TOX2: variants seen among roughly 807,000 people sequenced by gnomAD.
TOX2 encodes the protein TOX high mobility group box family member 2.
In TOX2, 15 loss-of-function variants were observed where a neutral mutation model predicts 47.4. The ratio of observed to expected loss-of-function variants is 0.32; its 90% CI spans 0.21 to 0.49. TOX2 has a LOEUF of 0.49. Ranked by LOEUF, TOX2 falls within the 20% of genes least tolerant of loss-of-function variation. The pLI, the probability that TOX2 is intolerant of heterozygous loss-of-function variation, is 0.99. For missense variants in TOX2, 622 were observed against 673.1 expected (o/e 0.92, Z 0.84); for synonymous variants, 290 against 296.6 (o/e 0.98, Z 0.23).
At chr20:43,919,168 C>T (rs1251935514) in intron 1 of TOX2, among the ~76,000 whole-genome samples, 1 of 152,220 alleles carries the variant, frequency 6.6e-6, no homozygotes, top group Non-Finnish European at 1.5e-5. Context: ...GTGGCATGTT[C>T]TGCCATCCAT....
At chr20:43,991,067 A>G (rs2070359590) in intron 2 of TOX2, among the ~76,000 whole-genome samples, 1 of 152,116 alleles carries the variant, frequency 6.6e-6, no homozygotes. Flanking sequence ...ATTGAATTTG[A>G]TTTTTAAAAT....
chr20:44,059,016 C>T (rs2071671412), intron 5 of TOX2, among the ~76,000 whole-genome samples: 1 of 152,152 alleles, frequency 6.6e-6, no homozygotes, highest in Non-Finnish European at 1.5e-5. Flanking sequence ...GCAATGGATC[C>T]AAACCAAGAC....
chr20:44,050,484 G>A (rs1308749234), intron 3 of TOX2, among the ~76,000 whole-genome samples: 1 of 152,168 alleles, frequency 6.6e-6, no homozygotes, highest in Non-Finnish European at 1.5e-5. Flanking sequence ...AATAAAAATC[G>A]TAAGAGTATG....
At chr20:43,963,038 G>A (rs564195531) in intron 1 of TOX2, among the ~76,000 whole-genome samples, 62 of 152,176 alleles carry the variant, frequency 4.1e-4, no homozygotes, top group African/African-American at 1.4e-3. Flanking sequence ...ATTCAGTGTG[G>A]ACTTTATACT....
chr20:44,007,813 A>G lies in TOX2; in HGVS notation c.411+1021A>G, dbSNP rs1167045010. The stretch of plus-strand genomic sequence containing the variant: ...GAGTGAGACCCTTTCTCAAAAAAAC[A>G]ACAGGAAGAAACATCATATTTTTGG... On this transcript the variant is annotated intron_variant, in intron 3 of 8. Coordinates refer to ENST00000341197, the MANE Select transcript of TOX2 (RefSeq NM_001098797.2). Among the ~76,000 whole-genome samples the G allele has an allele frequency of 2.0e-5, 3 of 152,302 alleles. No homozygotes were observed. The East Asian group carries it at 5.8e-4, about 29-fold the overall frequency.
intron 3 of TOX2, among the ~76,000 whole-genome samples, chr20:44,043,810 T>A (rs2071372168): frequency 6.6e-6 from 1 of 152,214 alleles, no homozygotes; most frequent in Non-Finnish European, 1.5e-5. Context: ...TAATGAGGAA[T>A]CCAGTAAGAT....
At chr20:44,011,396 C>T (rs1457664031) in intron 3 of TOX2, among the ~76,000 whole-genome samples, 2 of 152,200 alleles carry the variant, frequency 1.3e-5, no homozygotes, top group Non-Finnish European at 2.9e-5. Context: ...AAGCCTATTT[C>T]TAAGACTGTG....
intron 2 of TOX2, among the ~76,000 whole-genome samples, chr20:43,994,589 C>T (rs367925105): frequency 2.0e-5 from 3 of 152,178 alleles, no homozygotes; most frequent in East Asian, 3.9e-4. Flanking sequence ...CCCAGCCTTG[C>T]GACTTTTGCT....
chr20:44,048,030 C>T (rs915847338), intron 3 of TOX2, among the ~76,000 whole-genome samples: 1 of 151,892 alleles, frequency 6.6e-6, no homozygotes, highest in African/African-American at 2.4e-5. Context: ...ACCAGCTTGG[C>T]CAACATGGCA....
At chr20:44,045,945 G>A (rs761797994) in intron 3 of TOX2, among the ~76,000 whole-genome samples, 2 of 152,176 alleles carry the variant, frequency 1.3e-5, no homozygotes, top group Non-Finnish European at 2.9e-5. Context: ...GCTTATAGAA[G>A]GTGAGAGTGC....
intron 2 of TOX2, among the ~76,000 whole-genome samples, chr20:43,978,537 C>G (rs2070118720): frequency 6.6e-6 from 1 of 152,186 alleles, no homozygotes; most frequent in East Asian, 1.9e-4. Flanking sequence ...CTGTTCACCT[C>G]TTGCGCTCAT....
At chr20:43,954,200 A>G (rs1260763066) in intron 1 of TOX2, among the ~76,000 whole-genome samples, 2 of 151,938 alleles carry the variant, frequency 1.3e-5, no homozygotes, top group African/African-American at 4.8e-5. Flanking sequence ...GAGAGCTTCT[A>G]CTTGTGGACC....
chr20:43,973,274 C>T (rs2070009747), intron 1 of TOX2, 93 bp from the exon 2 acceptor site: 4 of 1,254,886 alleles, frequency 3.2e-6, no homozygotes, highest in East Asian at 2.3e-5. Flanking sequence ...CAGTCCCCTG[C>T]AGTCAGTCCC....
At chr20:44,022,387 T>G (rs1414152212) in intron 3 of TOX2, among the ~76,000 whole-genome samples, 2 of 152,220 alleles carry the variant, frequency 1.3e-5, no homozygotes, top group African/African-American at 4.8e-5. Context: ...CTGTCATGAT[T>G]ATAAAGTACT....
chr20:43,941,699 A>G (rs1444446820), intron 1 of TOX2, among the ~76,000 whole-genome samples: 1 of 152,040 alleles, frequency 6.6e-6, no homozygotes, highest in East Asian at 1.9e-4. Context: ...CTATTGACTT[A>G]AGGAGGTTTC....
intron 5 of TOX2, among the ~76,000 whole-genome samples, chr20:44,064,436 G>A (rs1569151453): frequency 6.6e-6 from 1 of 152,140 alleles, no homozygotes; most frequent in Non-Finnish European, 1.5e-5. Context: ...AAGGTGGTTC[G>A]GCATTAAGAA....
At chr20:44,035,965 T>C (rs2071232164) in intron 3 of TOX2, among the ~76,000 whole-genome samples, 1 of 152,214 alleles carries the variant, frequency 6.6e-6, no homozygotes, top group Non-Finnish European at 1.5e-5. Context: ...GGATGCGCCT[T>C]CTGAGATGTC....
At chr20:43,984,853 T>C (rs1215232067) in intron 2 of TOX2, among the ~76,000 whole-genome samples, 1 of 152,004 alleles carries the variant, frequency 6.6e-6, no homozygotes, top group Non-Finnish European at 1.5e-5. Context: ...GGGATAGCAG[T>C]GGGGTGGACA....
intron 1 of TOX2, among the ~76,000 whole-genome samples, chr20:43,957,810 C>A (rs764558186): frequency 6.6e-6 from 1 of 152,080 alleles, no homozygotes; most frequent in African/African-American, 2.4e-5. Flanking sequence ...AACTTACAAC[C>A]GTGGCAGAAG....
Sources: allele counts gnomAD v4.1 joint callset (sites outside exome capture counted in the v4.1 genomes callset), GRCh38; gene constraint gnomAD v4.1.1; transcripts MANE v1.5; gene names NCBI Gene and HGNC (gene_info 2026-07-23, HGNC 2026-07-21).